HELZ2: variants seen among roughly 807,000 people sequenced by gnomAD.
HELZ2 encodes 3'-5' exoribonuclease HELZ2.
HELZ2 carries 143 observed loss-of-function variants against 208.8 expected under a neutral mutation model. The ratio of observed to expected loss-of-function variants is 0.68; its 90% CI spans 0.60 to 0.79. The LOEUF is 0.79. Among genes scored for constraint, HELZ2 ranks in the 30% least tolerant of loss-of-function variants. The pLI is 0.00. For synonymous variants in HELZ2, 1,705 were observed against 1,693.7 expected (o/e 1.01, Z -0.16); for missense variants, 3,690 against 3,794.5 (o/e 0.97, Z 0.72).
chr20:63,559,161 G>A, downstream of HELZ2: 14 of 1,392,188 alleles, frequency 1.0e-5, no homozygotes, highest in South Asian at 1.5e-5. Context: ...GCCCAGGCAG[G>A]CTGATGGCGG....
Position 63,566,626 on chromosome 20 carries a change from A to G in HELZ2, c.2515-173T>C, listed in dbSNP as rs112884610. Among the ~76,000 whole-genome samples, 64 of 130,536 alleles carry G rather than the reference A, an allele frequency of 4.9e-4. 1 individual carries two copies. The highest frequency in any genetic ancestry group is 1.9e-3 in the African/African-American group (53 of 28,068). 85.6% of individuals were successfully genotyped at this position (130,536 alleles called of 152,430 possible). ...CACCAAGCTCGGGGATGAGCGCAGG[A>G]CGCAGTGAGGACTGGGCCACCCCCG... On this transcript the variant is annotated intron_variant, in intron 6 of 18. Coordinates refer to ENST00000467148, the Ensembl canonical transcript of HELZ2.
exon 8 of HELZ2, chr20:63,566,155 A>G: frequency 6.4e-7 from 1 of 1,556,788 alleles, no homozygotes; most frequent in Non-Finnish European, 8.6e-7. Flanking sequence ...TGAAGAACTC[A>G]GGGGCCAGTG....
chr20:63,569,519 C>T (rs2082997779), exon 4 of HELZ2: 2 of 1,610,020 alleles, frequency 1.2e-6, no homozygotes, highest in African/African-American at 1.3e-5. Context: ...CCTGCACACG[C>T]ACTCCCACCT....
At chr20:63,566,945 C>A (rs116699589) in exon 6 of HELZ2, 23 of 1,611,040 alleles carry the variant, frequency 1.4e-5, no homozygotes, top group Non-Finnish European at 1.8e-5. Context: ...ACGACCTGCG[C>A]AATCTCAGCC....
At chr20:63,566,063 G>T in exon 8 of HELZ2, 1 of 1,589,350 alleles carries the variant, frequency 6.3e-7, no homozygotes, top group Non-Finnish European at 8.5e-7. Flanking sequence ...GGCCCCGAAG[G>T]AGCAGAGGGC....
At chr20:63,565,216 C>G (rs1334583850) in exon 8 of HELZ2, 6 of 1,608,498 alleles carry the variant, frequency 3.7e-6, no homozygotes, top group Middle Eastern at 1.7e-4. Flanking sequence ...ACACAAACGC[C>G]AGCTCGTGCC....
At chr20:63,562,983 G>C in exon 8 of HELZ2, 2 of 1,597,066 alleles carry the variant, frequency 1.3e-6, no homozygotes, top group South Asian at 2.2e-5. Context: ...GCGCAGAATG[G>C]TTCCCACACG....
Position 63,562,509 on chromosome 20 carries a change from A to T in HELZ2, c.6302+11T>A. The T allele has an allele frequency of 6.4e-7, 1 of 1,560,798 alleles. No individual in the cohort carries two copies. Among genetic ancestry groups the T allele is most frequent in the Non-Finnish European group, 8.7e-7 (1 of 1,154,192 alleles). On this transcript the variant is annotated intron_variant, in intron 8 of 18. Transcript: ENST00000467148. Reference sequence around the variant, plus strand: ...CCCCCAGCCCAGCCTCTGCTGGTGGAAGCCACTCACAGATCAGGAAGCTGC... The same window carrying T: ...CCCCCAGCCCAGCCTCTGCTGGTGGTAGCCACTCACAGATCAGGAAGCTGC...
chr20:63,572,917 G>C (rs1055812449), upstream of HELZ2: 1 of 153,736 alleles, frequency 6.5e-6, no homozygotes, highest in African/African-American at 2.4e-5. Context: ...GCCAGACCTT[G>C]CTCTTGGTGG....
chr20:63,570,510 G>C lies in HELZ2; in HGVS notation c.564C>G (p.His188Gln), dbSNP rs759248213. The C allele has an allele frequency of 1.2e-4, 193 of 1,612,658 alleles. No individual in the cohort carries two copies. Among genetic ancestry groups the C allele is most frequent in the Non-Finnish European group, 1.6e-4 (190 of 1,179,540 alleles). ...GGAGCTGTTCTCCGCTCACCTCAGA[G>C]TGGACGGCAAACGTCCAGCTGTACT... The change falls in exon 3 of 19, where the codon CAC becomes CAG. Residue 188 changes from histidine to glutamine, a missense_variant. Physicochemically the swap from His to Gln is conservative, Grantham distance 24. Coordinates refer to ENST00000467148, the Ensembl canonical transcript of HELZ2.
chr20:63,569,573 T>C (rs747017006), exon 4 of HELZ2: 1 of 1,592,288 alleles, frequency 6.3e-7, no homozygotes, highest in Non-Finnish European at 8.5e-7. Context: ...GCTCACCCCG[T>C]GCGTAGAGCC....
At chr20:63,573,701 C>T (rs1397251345), upstream of HELZ2, among the ~76,000 whole-genome samples, 5 of 152,128 alleles carry the variant, frequency 3.3e-5, no homozygotes, top group Non-Finnish European at 5.9e-5. This position sits in a 1 kb window ranked among gnomAD's most constrained non-coding sequence, Gnocchi z 4.9. Context: ...CACATCTGCA[C>T]CTGGGGAGGG....
chr20:63,563,859 GGTGGCCCCGGGCGCA>G (rs2082917275), exon 8 of HELZ2: 13 of 1,595,614 alleles, frequency 8.1e-6, no homozygotes, highest in Non-Finnish European at 1.1e-5. Context: ...CCCTGCTGCT[GGTGGCCCCGGGCGCA>G]GCGGCCGAAC....
exon 15 of HELZ2, chr20:63,560,849 A>G (rs747395680): frequency 4.8e-5 from 77 of 1,613,272 alleles, no homozygotes; most frequent in Non-Finnish European, 6.1e-5. Flanking sequence ...GCTCGAACAG[A>G]GACCGGTCCA....
rs141766620 is a variant in HELZ2 at position 63,569,274 on chromosome 20, G to A, written c.962C>T (p.Pro321Leu). The A allele has an allele frequency of 2.5e-4, 400 of 1,574,778 alleles. 4 individuals are homozygous for A. Among genetic ancestry groups the A allele is most frequent in the Admixed American group, 3.3e-4 (18 of 54,998 alleles). ...GCGGTTGAACTCCAGGGCCAGGGCA[G>A]GGCCCTTGTACTTGGCCATCAGGGC... Residue 321 changes from proline to leucine, a missense_variant, in exon 4 of 19, where the codon CCT becomes CTT. Pro to Leu is a moderately conservative substitution (Grantham distance 98, BLOSUM62 -3). This residue lies in a region of HELZ2 where 1,119 missense variants were observed against 1,193.4 expected (regional missense o/e 0.94). Coordinates refer to ENST00000467148, the Ensembl canonical transcript of HELZ2.
chr20:63,562,462 C>T (rs1368766088), intron 8 of HELZ2, 58 bp downstream of exon 9: 8 of 1,520,962 alleles, frequency 5.3e-6, no homozygotes, highest in Non-Finnish European at 7.1e-6. Context: ...CCCCCTCCTG[C>T]AAGTGAGGGG....
Position 63,563,728 on chromosome 20 carries a change from G to T in HELZ2, c.5094C>A (p.Tyr1698Ter). 1 of 1,598,180 alleles carries T rather than the reference G, an allele frequency of 6.3e-7. No individual in the cohort carries two copies. ...AGAGCCCATCGATGTCCCTGGCAGA[G>T]TAGGCAGAGCCCCCATGGCCCAGCG... The change falls in exon 8 of 19, where the codon TAC (tyrosine) becomes TAA (stop). Residue 1698 changes from tyrosine (Y) to a stop codon, truncating the protein, a stop_gained. Coordinates refer to ENST00000467148, the Ensembl canonical transcript of HELZ2. LOFTEE classifies it high-confidence loss of function.
chr20:63,567,717 CCT>C (rs2082978683), intron 5 of HELZ2, 90 bp from the exon 7 acceptor site: 25 of 1,494,200 alleles, frequency 1.7e-5, no homozygotes, highest in Non-Finnish European at 2.1e-5. Flanking sequence ...CCGAGCTGCC[CCT>C]GAGCACAGCC....
chr20:63,567,823 C>G (rs937611642), intron 5 of HELZ2, 196 bp from the exon 7 acceptor site: 16 of 1,284,422 alleles, frequency 1.2e-5, no homozygotes, highest in Non-Finnish European at 1.7e-5. Flanking sequence ...CAGGCAACAC[C>G]TGGGCGAGCC....
Sources: gnomAD v4.1 joint callset for allele counts (sites outside exome capture counted in the v4.1 genomes callset) on GRCh38, gnomAD v4.1.1 for gene constraint, gnomAD v4.1.1 regional missense constraint, Gnocchi (gnomAD v3.1) non-coding constraint, MANE v1.5 for transcripts, NCBI Gene and HGNC (gene_info 2026-07-23, HGNC 2026-07-21) for gene names.